The following LILRA1 variants were observed in gnomAD, a reference collection of about 807,000 sequenced individuals.
LILRA1 encodes the protein leukocyte immunoglobulin-like receptor subfamily A member 1.
A neutral mutation model predicts 51.6 loss-of-function variants in LILRA1; 51 were observed. The ratio of observed to expected loss-of-function variants is 0.99; its 90% CI spans 0.79 to 1.25. LILRA1 has a LOEUF of 1.25. Among genes scored for constraint, LILRA1 ranks in the 50% most tolerant of loss-of-function variants. The probability of loss-of-function intolerance (pLI) is 0.00; values close to 1 mark genes in which losing one functional copy is unlikely to be tolerated. For synonymous variants in LILRA1, 305 were observed against 248.4 expected (o/e 1.23, Z -2.14); for missense variants, 660 against 611.7 (o/e 1.08, Z -0.83).
Position 54,594,835 on chromosome 19 carries a change from G to A in LILRA1, c.241G>A (p.Gly81Ser). ...GATCCCACAGGAGATTGTGAAGAAG[G>A]GCCAGTTCCCCATCCCATCCATCAC... ...TRIPQEIVKKGQFPIPSITWE... is the reference protein window; with the variant it reads ...TRIPQEIVKKSQFPIPSITWE... The change falls in exon 4 of 10, where the codon GGC (glycine) becomes AGC (serine). Residue 81 changes from glycine (G) to serine (S), a missense_variant. Coordinates refer to ENST00000251372, the MANE Select transcript of LILRA1 (RefSeq NM_006863.4). The A allele has an allele frequency of 1.2e-6, 2 of 1,614,128 alleles. No individual in the cohort carries two copies. Among genetic ancestry groups the A allele is most frequent in the Non-Finnish European group, 1.7e-6 (2 of 1,180,002 alleles).
rs2063167879 is a variant in LILRA1, at chr19:54,601,962, G to T, written c.*1145G>T. The T allele has an allele frequency of 6.6e-6, 1 of 152,162 alleles. No homozygotes were observed. Among genetic ancestry groups the T allele is most frequent in the South Asian group, 2.1e-4 (1 of 4,828 alleles). 9.4% of individuals were successfully genotyped at this position (152,162 alleles called of 1,614,324 possible). On this transcript the variant is annotated 3_prime_UTR_variant, in exon 10 of 10. Transcript: ENST00000251372. ...GGAGGGAGGATCCTGAAAAACATGA[G>T]GGATCAAATAGTCCTCAACTTTCTA...
Position 54,600,553 on chromosome 19 carries a change from G to A in LILRA1, c.1351+3G>A, listed in dbSNP as rs768524575. Reference sequence around the variant, plus strand: ...CAGCCCATCACAAAACAAGACTGGTGAGTGAGGAGATGCTCTCGTTTACGG... The same window carrying A: ...CAGCCCATCACAAAACAAGACTGGTAAGTGAGGAGATGCTCTCGTTTACGG... On this transcript the variant is annotated splice_donor_region_variant and intron_variant, in intron 9 of 9. Coordinates refer to ENST00000251372, the MANE Select transcript of LILRA1 (RefSeq NM_006863.4). 5 of 1,614,124 alleles carry A rather than the reference G, an allele frequency of 3.1e-6. No individual in the cohort carries two copies. The South Asian group carries it at 4.4e-5, about 14-fold the overall frequency.
Position 54,596,012 on chromosome 19 carries a change from C to T in LILRA1, c.958+77C>T, listed in dbSNP as rs539040590. 3.2e-4 allele frequency: 437 copies of T among 1,380,800 alleles called. 3 individuals are homozygous for T. The highest frequency in any genetic ancestry group is 1.2e-3 in the East Asian group (28 of 22,718). The allele number at this position is 1,380,800 out of a possible 1,614,324, so 85.5% of individuals were successfully genotyped here. A position where few individuals can be genotyped will look rare whatever the true frequency, so the allele number is the denominator to read the frequency against. ...CCAGGGGAGCCCAGGTGGTGATGGC[C>T]GGAATGAGGGGTGGGGGTCCCAAGG... On this transcript the variant is annotated intron_variant, in intron 6 of 9. Transcript: ENST00000251372.
Position 54,601,045 on chromosome 19 carries a change from T to C in LILRA1, c.*228T>C. On this transcript the variant is annotated 3_prime_UTR_variant, in exon 10 of 10. Transcript: ENST00000251372. ...TAACCTGTGATACCTTTCCTCTCTA[T>C]TAATGTTGACTTCCCTTGGTTGGAT... 2 of 600,900 alleles carry C rather than the reference T, an allele frequency of 3.3e-6. No homozygotes were observed. The highest frequency in any genetic ancestry group is 5.6e-5 in the East Asian group (2 of 35,416). The allele number at this position is 600,900 out of a possible 1,614,324, so 37.2% of individuals were successfully genotyped here. A position where few individuals can be genotyped will look rare whatever the true frequency, so the allele number is the denominator to read the frequency against.
rs2062981350 is a variant in LILRA1, at chr19:54,594,565, T to C, written c.70+89T>C. ...GCAGCTGGGGATGGGGAATAGCAGT[T>C]CTGGACTGACTGATGGGGGCATCTG... On this transcript the variant is annotated intron_variant, in intron 3 of 9. Coordinates refer to ENST00000251372, the MANE Select transcript of LILRA1 (RefSeq NM_006863.4). 6.8e-6 allele frequency: 11 copies of C among 1,613,070 alleles called. No individual in the cohort carries two copies. In the South Asian group the frequency reaches 1.2e-4, roughly 18 times the overall value.
At position 54,595,122 on chromosome 19, in the gene LILRA1, C is replaced by G. The variant is rs764166304; in HGVS notation, c.381C>G (p.Leu127=). ...VVTGAYIKPT[L]SALPSPVVTS... is the part of the protein sequence containing the mutation. ...TAGGAGCCTACATCAAACCCACCCT[C>G]TCAGCTCTACCCAGCCCTGTGGTGA... is the stretch of plus-strand genomic sequence containing the variant. Residue 127 remains leucine, a synonymous_variant, in exon 5 of 10, where the codon CTC becomes CTG. Coordinates refer to ENST00000251372, the MANE Select transcript of LILRA1 (RefSeq NM_006863.4). 4 of 1,613,828 alleles carry G rather than the reference C, an allele frequency of 2.5e-6. No individual in the cohort carries two copies. Among genetic ancestry groups the G allele is most frequent in the Non-Finnish European group, 3.4e-6 (4 of 1,179,858 alleles).
chr19:54,599,336 T>A, intron 8 of LILRA1, 50 bp downstream of exon 8: 1 of 1,530,568 alleles, frequency 6.5e-7, no homozygotes, highest in Non-Finnish European at 8.9e-7. Flanking sequence ...GAGGGTCAGG[T>A]CCTGTCAAGG....
intron 4 of LILRA1, 23 bp downstream of exon 4, chr19:54,594,975 C>T (rs557774855): frequency 6.2e-7 from 1 of 1,612,498 alleles, no homozygotes; most frequent in African/African-American, 1.3e-5. Flanking sequence ...TGAGGGCTCC[C>T]AGCCCCAGGC....
At chr19:54,594,984 G>A (rs1017056326) in intron 4 of LILRA1, 32 bp downstream of exon 4, 7 of 1,611,374 alleles carry the variant, frequency 4.3e-6, no homozygotes, top group South Asian at 1.1e-5. Context: ...CCAGCCCCAG[G>A]CTCTGCCCTC....
intron 8 of LILRA1, chr19:54,599,643 G>C: frequency 2.1e-6 from 2 of 936,926 alleles, no homozygotes; most frequent in Non-Finnish European, 2.7e-6. Context: ...TCTAAATTAT[G>C]TGCCAATATT....
chr19:54,600,626 G>T, intron 9 of LILRA1, 73 bp from the exon 10 acceptor site: 2 of 1,611,672 alleles, frequency 1.2e-6, no homozygotes, highest in Admixed American at 3.3e-5. Flanking sequence ...AGGTGCTCTG[G>T]GTGGACATCC....
chr19:54,597,131 A>G (rs559617392), intron 7 of LILRA1, among the ~76,000 whole-genome samples: 27 of 152,320 alleles, frequency 1.8e-4, no homozygotes, highest in Non-Finnish European at 2.1e-4. Context: ...GGGGATCCCA[A>G]CCTCTAAGTC....
chr19:54,596,305 A>C lies in LILRA1; in HGVS notation c.1075A>C (p.Lys359Gln), dbSNP rs746000283. Residue 359 changes from lysine to glutamine, a missense_variant, in exon 7 of 10, where the codon AAG (lysine) becomes CAG (glutamine). Physicochemically the swap from Lys to Gln is moderately conservative, Grantham distance 53. Coordinates refer to ENST00000251372, the MANE Select transcript of LILRA1 (RefSeq NM_006863.4). ...WGPFHTFLLT[K>Q]AGAADAPLRL... ...GCCGTTCCACACTTTCCTTCTGACC[A>C]AGGCGGGAGCAGCTGATGCCCCCCT... 4.3e-6 allele frequency: 7 copies of C among 1,614,092 alleles called. No individual in the cohort carries two copies. The highest frequency in any genetic ancestry group is 5.9e-6 in the Non-Finnish European group (7 of 1,180,000).
At position 54,596,170 on chromosome 19, in the gene LILRA1, C is replaced by T. The variant is rs765519660; in HGVS notation, c.959-19C>T. 1.2e-6 allele frequency: 2 copies of T among 1,608,478 alleles called. No homozygotes were observed. Among genetic ancestry groups the T allele is most frequent in the Admixed American group, 1.7e-5 (1 of 59,750 alleles). On this transcript the variant is annotated intron_variant, in intron 6 of 9. Coordinates refer to ENST00000251372, the MANE Select transcript of LILRA1 (RefSeq NM_006863.4). ...AGAACAAGGTGGGGCAGCCTCTCAC[C>T]CATCCTTCTTCTCTCCAGGACAGTT...
Position 54,595,647 on chromosome 19 carries a change from A to G in LILRA1, c.670A>G (p.Lys224Glu). The G allele has an allele frequency of 2.5e-6, 4 of 1,606,376 alleles. No individual in the cohort carries two copies. Among genetic ancestry groups the G allele is most frequent in the Non-Finnish European group, 3.4e-6 (4 of 1,174,656 alleles). Residue 224 changes from lysine (K) to glutamate (E), a missense_variant, in exon 6 of 10, where the codon AAG becomes GAG. Coordinates refer to ENST00000251372, the MANE Select transcript of LILRA1 (RefSeq NM_006863.4). ...TGAGCACCTTTTCCCAGGTGTTTCT[A>G]AGAAGCCATCACTCTCAGTGCAGCC... The part of the protein sequence containing the change: ...LLELLVLGVS[K>E]KPSLSVQPGP...
At chr19:54,598,378 G>C (rs912669536) in intron 7 of LILRA1, among the ~76,000 whole-genome samples, 1 of 151,736 alleles carries the variant, frequency 6.6e-6, no homozygotes, top group Non-Finnish European at 1.5e-5. Context: ...ATTAAAAATC[G>C]AGGTTTCCTT....
Position 54,600,706 on chromosome 19 carries a change from C to A in LILRA1, c.1359C>A (p.His453Gln), listed in dbSNP as rs145240997. 3 of 1,614,072 alleles carry A rather than the reference C, an allele frequency of 1.9e-6. No individual in the cohort carries two copies. The highest frequency in any genetic ancestry group is 1.1e-5 in the South Asian group (1 of 91,082). ...LSPSQNKTASHPQDYTVENLI... is the reference protein window; with the variant it reads ...LSPSQNKTASQPQDYTVENLI... ...TTTGCCCACCATCCCCAGCCTCACACCCCCAGGATTACACAGTGGAGAATC... is the reference window on the plus strand; with the variant it reads ...TTTGCCCACCATCCCCAGCCTCACAACCCCAGGATTACACAGTGGAGAATC... The change falls in exon 10 of 10, where the codon CAC (histidine) becomes CAA (glutamine). Residue 453 changes from histidine to glutamine, a missense_variant. Physicochemically the swap from His to Gln is conservative, Grantham distance 24. Transcript: ENST00000251372.
rs1389806696 is a variant in LILRA1 at position 54,600,708 on chromosome 19, C to A, written c.1361C>A (p.Pro454His). 6.2e-7 allele frequency: 1 copy of A among 1,614,032 alleles called. No individual in the cohort carries two copies. Among genetic ancestry groups the A allele is most frequent in the Admixed American group, 1.7e-5 (1 of 60,008 alleles). Residue 454 changes from proline to histidine, a missense_variant, in exon 10 of 10, where the codon CCC (proline) becomes CAC (histidine). By Grantham distance (77) the Pro-to-His change is moderately conservative. Coordinates refer to ENST00000251372, the MANE Select transcript of LILRA1 (RefSeq NM_006863.4). ...TGCCCACCATCCCCAGCCTCACACC[C>A]CCAGGATTACACAGTGGAGAATCTC... The part of the protein sequence containing the change: ...SPSQNKTASH[P>H]QDYTVENLIR...
At position 54,595,700 on chromosome 19, in the gene LILRA1, C is replaced by A. The variant is rs1445939544; in HGVS notation, c.723C>A (p.Ser241Arg). 1 of 1,322,642 alleles carries A rather than the reference C, an allele frequency of 7.6e-7. No homozygotes were observed. The highest frequency in any genetic ancestry group is 1.7e-5 in the African/African-American group (1 of 58,888). 81.9% of individuals were successfully genotyped at this position (1,322,642 alleles called of 1,614,324 possible). A position where few individuals can be genotyped will look rare whatever the true frequency, so the allele number is the denominator to read the frequency against. Residue 241 changes from serine to arginine, a missense_variant, in exon 6 of 10, where the codon AGC becomes AGA. By Grantham distance (110) the Ser-to-Arg change is moderately radical (BLOSUM62 -1). Coordinates refer to ENST00000251372, the MANE Select transcript of LILRA1 (RefSeq NM_006863.4). ...QPGPIVAPGE[S>R]LTLQCVSDVS... The stretch of plus-strand genomic sequence containing the variant: ...GTCCTATAGTGGCCCCTGGGGAGAG[C>A]CTGACCCTCCAGTGTGTTTCTGATG...
Sources: allele counts gnomAD v4.1 joint callset (sites outside exome capture counted in the v4.1 genomes callset), GRCh38; gene constraint gnomAD v4.1.1; transcripts MANE v1.5; gene names NCBI Gene and HGNC (gene_info 2026-07-23, HGNC 2026-07-21).